The following ZNF385D variants were observed in gnomAD, a reference collection of about 807,000 sequenced individuals.
The protein encoded by ZNF385D is zinc finger protein 385D, also known as zinc finger protein 659.
A neutral mutation model predicts 35.8 loss-of-function variants in ZNF385D; 15 were observed. The observed-to-expected ratio is 0.42, with a 90% CI of 0.28 to 0.64. ZNF385D has a LOEUF of 0.64. ZNF385D is among the 30% of genes least tolerant of loss of function. ZNF385D has a pLI of 0.23. For synonymous variants in ZNF385D, 212 were observed against 186.8 expected (o/e 1.13, Z -1.10); for missense variants, 474 against 494.6 (o/e 0.96, Z 0.39).
intron 3 of ZNF385D, among the ~76,000 whole-genome samples, chr3:22,082,565 G>C (rs950549927): frequency 1.3e-5 from 2 of 152,156 alleles, no homozygotes; most frequent in East Asian, 1.9e-4. Flanking sequence ...TAACTGGATA[G>C]AGCCCACCAC....
rs151025400 is a variant in ZNF385D at position 21,682,232 on chromosome 3, G to T, written c.23-17204C>A. ...TTTTAGTTTAGCTTTGTCCTTTTAAGTTAGAAGCCAGAAAGATTGGCTAAG... is the reference window on the plus strand; with the variant it reads ...TTTTAGTTTAGCTTTGTCCTTTTAATTTAGAAGCCAGAAAGATTGGCTAAG... On this transcript the variant is annotated intron_variant, in intron 1 of 7. Transcript: ENST00000281523. Among the ~76,000 whole-genome samples, 15 of 132,976 alleles carry T rather than the reference G, an allele frequency of 1.1e-4. No individual in the cohort carries two copies. In the East Asian group the frequency reaches 3.3e-3, roughly 29 times the overall value. 87.2% of individuals were successfully genotyped at this position (132,976 alleles called of 152,430 possible).
At chr3:22,160,329 G>C (rs532778894) in intron 3 of ZNF385D, among the ~76,000 whole-genome samples, 1 of 152,082 alleles carries the variant, frequency 6.6e-6, no homozygotes, top group African/African-American at 2.4e-5. Flanking sequence ...AAATGTTCTA[G>C]CAAGTTCTAA....
At chr3:22,093,579 T>C (rs964593589) in intron 3 of ZNF385D, among the ~76,000 whole-genome samples, 5 of 152,086 alleles carry the variant, frequency 3.3e-5, no homozygotes, top group African/African-American at 1.2e-4. Context: ...AAATTACACA[T>C]TTTATCCTCA....
At position 21,988,083 on chromosome 3, in the gene ZNF385D, A is replaced by C. The variant is rs1268696571; in HGVS notation, c.325+180734T>G. 1.1e-4 allele frequency among the ~76,000 whole-genome samples: 15 copies of C among 134,468 alleles called. 3 individuals carry two copies. In the East Asian group the frequency reaches 2.7e-3, roughly 24 times the overall value. The allele number at this position is 134,468 out of a possible 152,430, so 88.2% of individuals were successfully genotyped here. On this transcript the variant is annotated intron_variant, in intron 3 of 5. Coordinates refer to the ZNF385D transcript ENST00000494108. ...TTATACATTCTTCTAAATTTTTTTCAAAGTTTTCAACTTCTTTGCCTTTGG... is the reference window on the plus strand; with the variant it reads ...TTATACATTCTTCTAAATTTTTTTCCAAGTTTTCAACTTCTTTGCCTTTGG...
intron 3 of ZNF385D, among the ~76,000 whole-genome samples, chr3:21,931,363 A>T (rs142406316): frequency 8.5e-4 from 130 of 152,354 alleles, no homozygotes; most frequent in Non-Finnish European, 6.5e-4. Context: ...AAATGGTATG[A>T]TCACCTCAGA....
At chr3:21,799,903 T>C (rs2072320374) in intron 3 of ZNF385D, among the ~76,000 whole-genome samples, 1 of 152,204 alleles carries the variant, frequency 6.6e-6, no homozygotes, top group African/African-American at 2.4e-5. Flanking sequence ...TAGAGGCCTT[T>C]GATCCATTTT....
In ZNF385D at chr3:21,536,694, G is replaced by A. The variant is rs906694517; in HGVS notation, c.277-25671C>T. On this transcript the variant is annotated intron_variant, in intron 3 of 7. Transcript: ENST00000281523. Reference sequence around the variant, plus strand: ...GAGCTTACCTTCTAATTGGAGTTGGGCAATATACATAATAAATAATTATGT... The same window carrying A: ...GAGCTTACCTTCTAATTGGAGTTGGACAATATACATAATAAATAATTATGT... Among the ~76,000 whole-genome samples the A allele has an allele frequency of 2.0e-5, 3 of 151,954 alleles. No individual in the cohort carries two copies. The East Asian group carries it at 5.8e-4, about 29-fold the overall frequency.
chr3:21,593,907 C>T (rs2064055300), intron 2 of ZNF385D, among the ~76,000 whole-genome samples: 1 of 152,086 alleles, frequency 6.6e-6, no homozygotes, highest in South Asian at 2.1e-4. Context: ...TTTATCCCAC[C>T]ACAAAGACCC....
intron 3 of ZNF385D, among the ~76,000 whole-genome samples, chr3:21,835,819 T>G (rs1695294356): frequency 6.6e-6 from 1 of 152,094 alleles, no homozygotes; most frequent in African/African-American, 2.4e-5. Flanking sequence ...TAATTGTCCC[T>G]CCAACTAAAT....
intron 2 of ZNF385D, among the ~76,000 whole-genome samples, chr3:21,657,162 A>T (rs753751958): frequency 4.6e-5 from 7 of 151,960 alleles, no homozygotes; most frequent in Non-Finnish European, 1.0e-4. Context: ...ATAGATACAA[A>T]AGCCATTTAC....
intron 3 of ZNF385D, among the ~76,000 whole-genome samples, chr3:22,102,539 T>G (rs1701993463): frequency 6.6e-6 from 1 of 152,026 alleles, no homozygotes; most frequent in African/African-American, 2.4e-5. Flanking sequence ...GGCTATCCCT[T>G]GAGTTCTGAG....
chr3:21,541,611 C>G (rs1425687065), intron 3 of ZNF385D, among the ~76,000 whole-genome samples: 1 of 152,150 alleles, frequency 6.6e-6, no homozygotes, highest in Non-Finnish European at 1.5e-5. Context: ...CTTTGCTCAT[C>G]TGACCAGGAA....
chr3:22,365,688 C>G (rs867106716), intron 2 of ZNF385D, among the ~76,000 whole-genome samples: 6 of 152,082 alleles, frequency 3.9e-5, no homozygotes, highest in South Asian at 4.1e-4. Flanking sequence ...AATTCCTCAG[C>G]TTTTTACCAT....
intron 3 of ZNF385D, among the ~76,000 whole-genome samples, chr3:21,933,193 T>C (rs998549856): frequency 8.5e-5 from 13 of 152,214 alleles, no homozygotes; most frequent in African/African-American, 3.1e-4. Flanking sequence ...TGATTCAATT[T>C]TTTTCCAAAT....
At chr3:21,456,601 A>G (rs1471860244) in intron 4 of ZNF385D, among the ~76,000 whole-genome samples, 3 of 152,202 alleles carry the variant, frequency 2.0e-5, no homozygotes, top group Middle Eastern at 3.4e-3. Flanking sequence ...TGGGGGGAGT[A>G]AGGAGGGATA....
intron 3 of ZNF385D, among the ~76,000 whole-genome samples, chr3:21,883,766 TA>T (rs1223973158): frequency 6.6e-6 from 1 of 152,058 alleles, no homozygotes; most frequent in Non-Finnish European, 1.5e-5. Context: ...GGCTAGAATT[TA>T]TGTATGTGGA....
intron 3 of ZNF385D, among the ~76,000 whole-genome samples, chr3:21,841,746 A>G (rs1248760555): frequency 1.3e-5 from 2 of 151,884 alleles, no homozygotes; most frequent in Non-Finnish European, 2.9e-5. Flanking sequence ...TTAAATTTTT[A>G]CTTAATTTAG....
chr3:21,644,596 G>A (rs1026943992), intron 2 of ZNF385D, among the ~76,000 whole-genome samples: 1 of 152,186 alleles, frequency 6.6e-6, no homozygotes, highest in Non-Finnish European at 1.5e-5. Context: ...CAATTTTATA[G>A]CAAGATAATG....
chr3:22,112,777 A>C (rs1298765059), intron 3 of ZNF385D, among the ~76,000 whole-genome samples: 2 of 152,126 alleles, frequency 1.3e-5, no homozygotes, highest in Admixed American at 1.3e-4. Flanking sequence ...ATGTCAAGAA[A>C]TACAAACTTC....
Sources: gnomAD v4.1 joint callset for allele counts (sites outside exome capture counted in the v4.1 genomes callset) on GRCh38, gnomAD v4.1.1 for gene constraint, MANE v1.5 for transcripts, NCBI Gene and HGNC (gene_info 2026-07-23, HGNC 2026-07-21) for gene names.